The following SNX25 variants were observed in gnomAD, a reference collection of about 807,000 sequenced individuals.
SNX25 encodes the protein sorting nexin-25.
A neutral mutation model predicts 113.7 loss-of-function variants in SNX25; 62 were observed. The observed-to-expected ratio is 0.55, with a 90% CI of 0.44 to 0.67. The LOEUF is 0.67. Ranked by LOEUF, SNX25 falls within the 30% of genes least tolerant of loss-of-function variation. The pLI is 0.00. For missense variants in SNX25, 1,014 were observed against 1,161.0 expected, an observed-to-expected ratio of 0.87 and a Z score of 1.84; for synonymous variants, 421 against 436.2, an observed-to-expected ratio of 0.97 and a Z score of 0.43.
chr4:185,305,859 A>G (rs1014528473), intron 6 of SNX25, among the ~76,000 whole-genome samples: 2 of 152,140 alleles, frequency 1.3e-5, no homozygotes, highest in Admixed American at 6.5e-5. Context: ...TTTTTTTGCC[A>G]TTAAAAGTAA....
intron 5 of SNX25, among the ~76,000 whole-genome samples, chr4:185,279,668 TAA>T (rs1466566272): frequency 2.6e-5 from 4 of 152,206 alleles, no homozygotes; most frequent in Non-Finnish European, 5.9e-5. Context: ...TGGTGAAGAT[TAA>T]AAATTTGTTA....
intron 9 of SNX25, among the ~76,000 whole-genome samples, 185 bp from the exon 10 acceptor site, chr4:185,332,410 C>T (rs1396844119): frequency 2.0e-5 from 3 of 152,188 alleles, no homozygotes; most frequent in Admixed American, 6.5e-5. Flanking sequence ...CAATTCTGAA[C>T]GCCATTTACT....
chr4:185,221,855 G>T (rs1739916332), intron 1 of SNX25, among the ~76,000 whole-genome samples: 1 of 151,968 alleles, frequency 6.6e-6, no homozygotes, highest in Non-Finnish European at 1.5e-5. Context: ...TTATACCACA[G>T]TCATCAGTTT....
downstream of SNX25, chr4:185,364,141 A>G (rs1561062333): frequency 6.6e-6 from 1 of 152,280 alleles, no homozygotes; most frequent in African/African-American, 2.4e-5. Context: ...TGTAAAATAT[A>G]TGATTTTTAG....
At chr4:185,349,853 G>A (rs553303584) in intron 13 of SNX25, among the ~76,000 whole-genome samples, 21 of 152,198 alleles carry the variant, frequency 1.4e-4, no homozygotes, top group African/African-American at 4.6e-4. Flanking sequence ...ATTAAGTTTG[G>A]GACTTAACCA....
downstream of SNX25, chr4:185,371,016 A>G (rs1370636198): frequency 1.9e-6 from 1 of 516,908 alleles, no homozygotes; most frequent in East Asian, 3.0e-5. Context: ...GTGACTTCAC[A>G]TGTCTCTGTA....
In SNX25 at chr4:185,264,479, T is replaced by C. The variant is rs1353282206; in HGVS notation, c.773T>C (p.Leu258Ser). ...QPRPFVLHACLRNSDDEVRFL... is the reference protein window; with the variant it reads ...QPRPFVLHACSRNSDDEVRFL... ...AGACCTTTTGTGTTGCACGCATGCT[T>C]GAGGAACTCAGATGATGAAGTAAGA... is the stretch of plus-strand genomic sequence containing the variant. Residue 258 changes from leucine (L) to serine (S), a missense_variant, in exon 4 of 19, where the codon TTG (leucine) becomes TCG (serine). Coordinates refer to ENST00000652585, the MANE Select transcript of SNX25 (RefSeq NM_001378034.2). 4 of 1,613,706 alleles carry C rather than the reference T, an allele frequency of 2.5e-6. No individual in the cohort carries two copies. Among genetic ancestry groups the C allele is most frequent in the Non-Finnish European group, 3.4e-6 (4 of 1,179,974 alleles).
At chr4:185,318,632 CA>C (rs2095094220) in intron 7 of SNX25, among the ~76,000 whole-genome samples, 1 of 152,052 alleles carries the variant, frequency 6.6e-6, no homozygotes, top group South Asian at 2.1e-4. Flanking sequence ...AGATGGAAAA[CA>C]AAAACGTGAA....
intron 6 of SNX25, among the ~76,000 whole-genome samples, chr4:185,298,449 A>G (rs1753160907): frequency 6.6e-6 from 1 of 152,082 alleles, no homozygotes; most frequent in African/African-American, 2.4e-5. Context: ...AAAAAATAAT[A>G]TATTTTTCAT....
At chr4:185,273,537 T>C (rs2126567896) in intron 5 of SNX25, among the ~76,000 whole-genome samples, 1 of 152,334 alleles carries the variant, frequency 6.6e-6, no homozygotes, top group East Asian at 1.9e-4. Flanking sequence ...TTGTGTGTGG[T>C]GAGAACACCT....
Position 185,339,446 on chromosome 4 carries a change from T to G in SNX25, c.1982T>G (p.Met661Arg), listed in dbSNP as rs764907667. 10 of 1,614,134 alleles carry G rather than the reference T, an allele frequency of 6.2e-6. No individual in the cohort carries two copies. Among genetic ancestry groups the G allele is most frequent in the Non-Finnish European group, 7.6e-6 (9 of 1,179,994 alleles). Residue 661 changes from methionine (M) to arginine (R), a missense_variant, in exon 11 of 19, where the codon ATG becomes AGG. Met to Arg is a moderately conservative substitution (Grantham distance 91). Coordinates refer to ENST00000652585, the MANE Select transcript of SNX25 (RefSeq NM_001378034.2). ...GAACGCACAGACCTTCAGCTGCACA[T>G]GGCAAGAACGGATTGGTGGTGTGAA... ...EKERTDLQLH[M>R]ARTDWWCENL...
Position 185,259,070 on chromosome 4 carries a change from T to C in SNX25, c.731+6T>C. 6.2e-7 allele frequency: 1 copy of C among 1,610,660 alleles called. No individual in the cohort carries two copies. Among genetic ancestry groups the C allele is most frequent in the South Asian group, 1.1e-5 (1 of 90,698 alleles). The stretch of plus-strand genomic sequence containing the variant: ...CTGAAAGCTGCCAATGCCAGGTAAC[T>C]GTTCTAAGCAACTTACCCCCTTTTT... On this transcript the variant is annotated splice_donor_region_variant and intron_variant, in intron 3 of 18. Coordinates refer to ENST00000652585, the MANE Select transcript of SNX25 (RefSeq NM_001378034.2).
intron 18 of SNX25, 70 bp downstream of exon 18, chr4:185,362,781 C>T: frequency 8.5e-7 from 1 of 1,177,178 alleles, no homozygotes; most frequent in Non-Finnish European, 1.2e-6. Flanking sequence ...TCAGAAAAAA[C>T]ATGTGCCCCA....
chr4:185,273,271 C>T (rs1749207860), intron 5 of SNX25, among the ~76,000 whole-genome samples: 1 of 152,106 alleles, frequency 6.6e-6, no homozygotes, highest in Non-Finnish European at 1.5e-5. Flanking sequence ...TTAAGGTGTA[C>T]AGTGTCATTT....
At chr4:185,265,699 A>T (rs192531559) in intron 4 of SNX25, among the ~76,000 whole-genome samples, 4 of 152,186 alleles carry the variant, frequency 2.6e-5, no homozygotes, top group Non-Finnish European at 5.9e-5. Context: ...TAATTTTTTT[A>T]AACTTTTTGA....
intron 1 of SNX25, among the ~76,000 whole-genome samples, chr4:185,220,681 C>G (rs962074585): frequency 6.6e-6 from 1 of 151,912 alleles, no homozygotes; most frequent in East Asian, 1.9e-4. Context: ...GGGGTTTCAC[C>G]ATGTTAGCCA....
chr4:185,315,053 C>A (rs1050927446), intron 7 of SNX25, among the ~76,000 whole-genome samples: 1 of 151,098 alleles, frequency 6.6e-6, no homozygotes, highest in Admixed American at 6.6e-5. Flanking sequence ...ACAGTGAAAC[C>A]CCGTCTCTAC....
At chr4:185,255,186 T>G (rs1333092962) in intron 2 of SNX25, among the ~76,000 whole-genome samples, 1 of 152,040 alleles carries the variant, frequency 6.6e-6, no homozygotes, top group East Asian at 1.9e-4. Context: ...CAGGCTGGAG[T>G]GCAGTGGCAC....
At position 185,263,418 on chromosome 4, in the gene SNX25, G is replaced by C. The variant is rs992942011; in HGVS notation, c.732-1020G>C. 3.3e-5 allele frequency among the ~76,000 whole-genome samples: 5 copies of C among 152,238 alleles called. No individual in the cohort carries two copies. In the South Asian group the frequency reaches 6.2e-4, roughly 19 times the overall value. On this transcript the variant is annotated intron_variant, in intron 3 of 18. Coordinates refer to ENST00000652585, the MANE Select transcript of SNX25 (RefSeq NM_001378034.2). ...AAGATGCCATTTTTAAAAAGTCAGC[G>C]TATCAGTATATGCATAAAGGCTTAT...
Sources: gnomAD v4.1 joint callset for allele counts (sites outside exome capture counted in the v4.1 genomes callset) on GRCh38, gnomAD v4.1.1 for gene constraint, MANE v1.5 for transcripts, NCBI Gene and HGNC (gene_info 2026-07-23, HGNC 2026-07-21) for gene names.